PLCE1: variants seen among roughly 807,000 people sequenced by gnomAD.
PLCE1 encodes the protein 1-phosphatidylinositol 4,5-bisphosphate phosphodiesterase epsilon-1.
Under a neutral mutation model 242.8 loss-of-function variants are expected in PLCE1, and 119 were observed. The observed-to-expected ratio is 0.49, with a 90% CI of 0.42 to 0.57. PLCE1 has a LOEUF of 0.57. Ranked by LOEUF, PLCE1 falls within the 20% of genes least tolerant of loss-of-function variation. The pLI is 0.00. For synonymous variants in PLCE1, 945 were observed against 1,017.4 expected, an observed-to-expected ratio of 0.93 and a Z score of 1.35; for missense variants, 2,441 against 2,788.8, an observed-to-expected ratio of 0.88 and a Z score of 2.81.
At chr10:94,047,522 T>C (rs770688184) in intron 2 of PLCE1, among the ~76,000 whole-genome samples, 13 of 152,224 alleles carry the variant, frequency 8.5e-5, no homozygotes, top group Non-Finnish European at 1.9e-4. Context: ...AGGGATATAA[T>C]TGCTCTCAAT....
intron 1 of PLCE1, among the ~76,000 whole-genome samples, chr10:94,006,578 G>C (rs2061042362): frequency 6.6e-6 from 1 of 152,186 alleles, no homozygotes; most frequent in Non-Finnish European, 1.5e-5. Context: ...AGGTATGAAT[G>C]AGATGGTGTC....
At chr10:94,137,888 A>T (rs1379917818) in intron 3 of PLCE1, 6 of 317,596 alleles carry the variant, frequency 1.9e-5, no homozygotes, top group Middle Eastern at 1.9e-3. Flanking sequence ...CTGAAAAATG[A>T]AAATCTATTG....
intron 10 of PLCE1, 131 bp downstream of exon 10, chr10:94,254,438 A>G: frequency 2.7e-6 from 2 of 732,294 alleles, no homozygotes. Context: ...CTAACCAGAC[A>G]ATGAAACCTA....
chr10:94,104,721 A>T (rs577062373), intron 2 of PLCE1: 1 of 152,308 alleles, frequency 6.6e-6, no homozygotes, highest in African/African-American at 2.4e-5. Flanking sequence ...GGCACGGTGG[A>T]CTCAAGTACA....
rs555437512 is a variant in PLCE1 at position 94,000,804 on chromosome 10, G to A, written c.-365+6546G>A. Among the ~76,000 whole-genome samples, 32 of 152,298 alleles carry A rather than the reference G, an allele frequency of 2.1e-4. No individual in the cohort carries two copies. The South Asian group carries it at 6.6e-3, about 32-fold the overall frequency. ...GCTGCCTCTCATGGGTGCAGCAGCC[G>A]CAGCGCCCTGAAGTCTCTGAAGTCT... On this transcript the variant is annotated intron_variant, in intron 1 of 32. Coordinates refer to ENST00000371380, the MANE Select transcript of PLCE1 (RefSeq NM_016341.4).
At chr10:94,058,519 A>T (rs564446387) in intron 2 of PLCE1, among the ~76,000 whole-genome samples, 1 of 152,302 alleles carries the variant, frequency 6.6e-6, no homozygotes, top group South Asian at 2.1e-4. Flanking sequence ...AATTTGTTTC[A>T]ATTAGTAGAG....
rs748050550 is a variant in PLCE1 at position 94,279,824 on chromosome 10, G to A, written c.4708G>A (p.Gly1570Arg). 6.2e-7 allele frequency: 1 copy of A among 1,613,574 alleles called. No homozygotes were observed. The change falls in exon 20 of 33, where the codon GGG becomes AGG. Residue 1570 changes from glycine to arginine, a missense_variant. Around this residue, in one of 5 missense-constraint regions of PLCE1, gnomAD observed 1,004 missense variants for 1,322.7 expected, o/e 0.76. Coordinates refer to ENST00000371380, the MANE Select transcript of PLCE1 (RefSeq NM_016341.4). Reference sequence around the variant, plus strand: ...TATGCAAGTGCAGGCTTATAATGGTGGGAATGCCAACCCCCGACCTGCCAA... The same window carrying A: ...TATGCAAGTGCAGGCTTATAATGGTAGGAATGCCAACCCCCGACCTGCCAA... ...ASMQVQAYNG[G>R]NANPRPANNE...
At chr10:94,261,444 A>G (rs1344853401) in intron 13 of PLCE1, among the ~76,000 whole-genome samples, 4 of 152,190 alleles carry the variant, frequency 2.6e-5, no homozygotes, top group Non-Finnish European at 5.9e-5. Context: ...GCAATTATGA[A>G]TAAAGCTGCT....
intron 20 of PLCE1, among the ~76,000 whole-genome samples, chr10:94,281,703 C>G (rs1269689416): frequency 6.6e-6 from 1 of 152,106 alleles, no homozygotes; most frequent in Non-Finnish European, 1.5e-5. Flanking sequence ...ACTTCCAGCA[C>G]TAAGATCTGT....
chr10:94,059,231 G>A (rs1184253205), intron 2 of PLCE1, among the ~76,000 whole-genome samples: 1 of 152,194 alleles, frequency 6.6e-6, no homozygotes, highest in Admixed American at 6.5e-5. Context: ...ATTATGAACG[G>A]TATGGTTTAG....
intron 4 of PLCE1, among the ~76,000 whole-genome samples, chr10:94,184,846 ATT>A (rs34395696): frequency 6.8e-6 from 1 of 147,838 alleles, no homozygotes; most frequent in Non-Finnish European, 1.5e-5. Context: ...TGACTTGCTT[ATT>A]TTTTTTTTTC....
At chr10:94,163,076 C>G (rs950474868) in intron 3 of PLCE1, among the ~76,000 whole-genome samples, 20 of 152,216 alleles carry the variant, frequency 1.3e-4, no homozygotes, top group African/African-American at 4.3e-4. Flanking sequence ...TTACTTCCAA[C>G]TATGTGGTCA....
intron 2 of PLCE1, among the ~76,000 whole-genome samples, chr10:94,121,951 G>A (rs1169152026): frequency 6.6e-6 from 1 of 152,172 alleles, no homozygotes; most frequent in East Asian, 1.9e-4. Flanking sequence ...GGCAGAGAGA[G>A]GAAGGTTAGA....
chr10:94,223,167 C>T (rs1335367406), intron 4 of PLCE1, among the ~76,000 whole-genome samples: 1 of 132,482 alleles, frequency 7.5e-6, no homozygotes, highest in Admixed American at 9.3e-5. Flanking sequence ...GAAGCGGAAG[C>T]GGGAGGATCA....
At chr10:94,233,528 C>A (rs186179164) in intron 5 of PLCE1, among the ~76,000 whole-genome samples, 12 of 152,314 alleles carry the variant, frequency 7.9e-5, no homozygotes, top group Middle Eastern at 3.4e-3. Context: ...ATAACTAACG[C>A]GTCCCATATG....
At chr10:94,233,265 G>T (rs1357557126) in intron 5 of PLCE1, among the ~76,000 whole-genome samples, 4 of 152,192 alleles carry the variant, frequency 2.6e-5, no homozygotes, top group Admixed American at 2.6e-4. Context: ...ATGGGCTGGT[G>T]GCTTCATGTC....
At chr10:94,247,855 C>T (rs1351354038) in intron 8 of PLCE1, among the ~76,000 whole-genome samples, 1 of 152,156 alleles carries the variant, frequency 6.6e-6, no homozygotes, top group Admixed American at 6.5e-5. Flanking sequence ...GAGTAGCATC[C>T]CTTGGGGAAA....
chr10:94,271,703 T>C (rs1181093778), intron 18 of PLCE1, among the ~76,000 whole-genome samples: 2 of 152,178 alleles, frequency 1.3e-5, no homozygotes, highest in Non-Finnish European at 1.5e-5. Context: ...CAGTCAGTCC[T>C]TCCTTATATA....
chr10:94,174,355 A>C lies in PLCE1; in HGVS notation c.1809+2859A>C, dbSNP rs138095060. 1.2e-3 allele frequency among the ~76,000 whole-genome samples: 176 copies of C among 152,330 alleles called. 3 individuals carry two copies. Among genetic ancestry groups the C allele is most frequent in the East Asian group, 5.8e-3 (30 of 5,184 alleles). ...TAATAAATGTAGAAAGAATGAGAAA[A>C]ATAGAAAATCATCATTAGAATACTA... On this transcript the variant is annotated intron_variant, in intron 4 of 32. Transcript: ENST00000371380.
Sources: allele counts gnomAD v4.1 joint callset (sites outside exome capture counted in the v4.1 genomes callset), GRCh38; gene constraint gnomAD v4.1.1; regional missense constraint gnomAD v4.1.1; transcripts MANE v1.5; gene names NCBI Gene and HGNC (gene_info 2026-07-23, HGNC 2026-07-21).